The following PTPRN2 variants were observed in gnomAD, a reference collection of about 807,000 sequenced individuals.
The protein encoded by PTPRN2 is protein tyrosine phosphatase receptor type N2.
Under a neutral mutation model 118.8 loss-of-function variants are expected in PTPRN2, and 74 were observed. The ratio of observed to expected loss-of-function variants is 0.62; its 90% CI spans 0.52 to 0.76. The LOEUF (loss-of-function observed/expected upper bound fraction) is 0.76. Among genes scored for constraint, PTPRN2 ranks in the 30% least tolerant of loss-of-function variants. The pLI, the probability that PTPRN2 is intolerant of heterozygous loss-of-function variation, is 0.00. For synonymous variants in PTPRN2, 641 were observed against 608.0 expected, an observed-to-expected ratio of 1.05 and a Z score of -0.80; for missense variants, 1,481 against 1,394.4, an observed-to-expected ratio of 1.06 and a Z score of -0.99.
In PTPRN2 at chr7:157,787,717, G is replaced by A. The variant is rs1804158678; in HGVS notation, c.1789-104780C>T. On this transcript the variant is annotated intron_variant, in intron 12 of 22. Coordinates refer to ENST00000389418, the MANE Select transcript of PTPRN2 (RefSeq NM_002847.5). The surrounding 1 kb of genome is among the most constrained non-coding windows in gnomAD (Gnocchi z 5.3). ...GGTGGTGTTTGAGCTGGTGCCATCT[G>A]GGTCCCCTGGGGTGGTGGCTGGGTG... Among the ~76,000 whole-genome samples the A allele has an allele frequency of 6.6e-6, 1 of 152,198 alleles. No individual in the cohort carries two copies.
At chr7:157,579,199 C>T (rs112013346) in intron 17 of PTPRN2, among the ~76,000 whole-genome samples, 9 of 152,284 alleles carry the variant, frequency 5.9e-5, no homozygotes, top group African/African-American at 1.7e-4. Flanking sequence ...TATGTTCTCA[C>T]GGGGCTGAAA....
intron 15 of PTPRN2, among the ~76,000 whole-genome samples, chr7:157,608,006 A>T (rs1458761876): frequency 6.6e-6 from 1 of 152,020 alleles, no homozygotes; most frequent in Admixed American, 6.6e-5. Flanking sequence ...GACTTCGGAG[A>T]GCTCCTACTT....
intron 14 of PTPRN2, among the ~76,000 whole-genome samples, chr7:157,636,708 A>G (rs917421983): frequency 1.9e-4 from 29 of 152,250 alleles, no homozygotes; most frequent in African/African-American, 6.8e-4. Flanking sequence ...TTATAGATGA[A>G]TGGAAAACAC....
At chr7:157,775,758 C>T (rs948097049) in intron 12 of PTPRN2, among the ~76,000 whole-genome samples, 6 of 152,098 alleles carry the variant, frequency 3.9e-5, no homozygotes, top group East Asian at 1.9e-4. Flanking sequence ...GCCCCAGGCC[C>T]GGGTCATGGT....
chr7:158,195,340 T>A (rs897015007), intron 4 of PTPRN2, among the ~76,000 whole-genome samples: 3 of 152,236 alleles, frequency 2.0e-5, no homozygotes, highest in Non-Finnish European at 4.4e-5. Flanking sequence ...ATCTCATCTC[T>A]CTATGAAATG....
At chr7:157,824,444 G>A (rs1585561230) in intron 12 of PTPRN2, among the ~76,000 whole-genome samples, 1 of 152,206 alleles carries the variant, frequency 6.6e-6, no homozygotes, top group Non-Finnish European at 1.5e-5. Flanking sequence ...GCAGCTTCCC[G>A]AGGACAAGTG....
rs781081641 is a variant in PTPRN2 at position 158,316,875 on chromosome 7, ACCTC to A, written c.217_220del (p.Glu73CysfsTer31). On this transcript the variant is annotated frameshift_variant, in exon 3 of 23. Transcript: ENST00000389418. LOFTEE classifies it high-confidence loss of function. Reference sequence around the variant, plus strand: ...CAGGCGCTGCAGGGCCACGGGCGACACCTCGTAGCGGTAAAAGTCCATTGCCGGA... The same window carrying A: ...CAGGCGCTGCAGGGCCACGGGCGACAGTAGCGGTAAAAGTCCATTGCCGGA... The A allele has an allele frequency of 1.2e-6, 2 of 1,612,068 alleles. No individual in the cohort carries two copies. The highest frequency in any genetic ancestry group is 2.2e-5 in the South Asian group (2 of 91,070).
intron 12 of PTPRN2, among the ~76,000 whole-genome samples, chr7:157,730,916 A>G (rs1799860578): frequency 6.6e-6 from 1 of 152,098 alleles, no homozygotes; most frequent in Non-Finnish European, 1.5e-5. Flanking sequence ...TGGGGACTGC[A>G]CTAGGACTTT....
At position 158,098,124 on chromosome 7, in the gene PTPRN2, G is replaced by A. The variant is rs117276816; in HGVS notation, c.1643+12705C>T. On this transcript the variant is annotated intron_variant, in intron 10 of 22. Coordinates refer to ENST00000389418, the MANE Select transcript of PTPRN2 (RefSeq NM_002847.5). Reference sequence around the variant, plus strand: ...CACAGGACGTGGAAGTAAGGCTTGCGTGGTCCCCTGCACATGAGCACACAC... The same window carrying A: ...CACAGGACGTGGAAGTAAGGCTTGCATGGTCCCCTGCACATGAGCACACAC... Among the ~76,000 whole-genome samples the A allele has an allele frequency of 5.2e-3, 791 of 152,316 alleles. 38 individuals carry two copies. The highest frequency in any genetic ancestry group is 0.041 in the Admixed American group (633 of 15,304).
chr7:158,179,685 G>A (rs1027405075), intron 5 of PTPRN2, among the ~76,000 whole-genome samples: 6 of 152,120 alleles, frequency 3.9e-5, no homozygotes, highest in African/African-American at 1.4e-4. Context: ...AATGAGGTAG[G>A]AGGCAGGACT....
chr7:158,470,746 G>A (rs527437428), intron 2 of PTPRN2, among the ~76,000 whole-genome samples: 13 of 152,302 alleles, frequency 8.5e-5, no homozygotes, highest in African/African-American at 2.6e-4. Flanking sequence ...TCACCGAGGT[G>A]GAGAACAGGC....
At chr7:157,546,367 A>G (rs533849996) in intron 22 of PTPRN2, among the ~76,000 whole-genome samples, 4 of 152,334 alleles carry the variant, frequency 2.6e-5, no homozygotes, top group Non-Finnish European at 4.4e-5. Context: ...TGCCGCACCC[A>G]TGAATCCATC....
In PTPRN2 at chr7:158,071,612, C is replaced by CGTG. The variant is rs1554528555; in HGVS notation, c.1723+9683_1723+9685dup. The stretch of plus-strand genomic sequence containing the variant: ...TGGAGGTGCTCCTGGTGGAGGTGCT[C>CGTG]GTGGTGGAGGTGCTCGTGGTGGTGG... On this transcript the variant is annotated intron_variant, in intron 11 of 22. Coordinates refer to ENST00000389418, the MANE Select transcript of PTPRN2 (RefSeq NM_002847.5). Among the ~76,000 whole-genome samples, 3 of 30,556 alleles carry CGTG rather than the reference C, an allele frequency of 9.8e-5. 1 individual carries two copies. The highest frequency in any genetic ancestry group is 2.0e-4 in the Non-Finnish European group (3 of 15,246). 20.0% of individuals were successfully genotyped at this position (30,556 alleles called of 152,430 possible).
intron 2 of PTPRN2, among the ~76,000 whole-genome samples, chr7:158,386,348 C>G: frequency 8.4e-6 from 1 of 119,356 alleles, no homozygotes; most frequent in South Asian, 3.0e-4. Flanking sequence ...TGTACCCCTC[C>G]TCCCTCCTCC....
chr7:157,601,780 ACT>A (rs1244435219), intron 16 of PTPRN2, among the ~76,000 whole-genome samples: 1 of 152,122 alleles, frequency 6.6e-6, no homozygotes, highest in Non-Finnish European at 1.5e-5. Context: ...GCAACGCTGA[ACT>A]CTCGTCTTTT....
intron 22 of PTPRN2, among the ~76,000 whole-genome samples, chr7:157,545,552 C>T (rs145677520): frequency 6.6e-6 from 1 of 152,132 alleles, no homozygotes; most frequent in Non-Finnish European, 1.5e-5. Flanking sequence ...TCTGGCGGCT[C>T]GTGTGGTGTC....
chr7:158,197,995 T>A (rs1000750029), intron 4 of PTPRN2, among the ~76,000 whole-genome samples: 1 of 152,256 alleles, frequency 6.6e-6, no homozygotes, highest in Non-Finnish European at 1.5e-5. Flanking sequence ...CTTTTGCAGT[T>A]CTTTGCATCT....
rs555683609 is a variant in PTPRN2 at position 157,587,710 on chromosome 7, G to A, written c.2496+7528C>T. Among the ~76,000 whole-genome samples, 15 of 152,352 alleles carry A rather than the reference G, an allele frequency of 9.8e-5. No individual in the cohort carries two copies. Among genetic ancestry groups the A allele is most frequent in the Non-Finnish European group, 2.1e-4 (14 of 68,026 alleles). On this transcript the variant is annotated intron_variant, in intron 17 of 22. Coordinates refer to ENST00000389418, the MANE Select transcript of PTPRN2 (RefSeq NM_002847.5). The surrounding 1 kb of genome is among the most constrained non-coding windows in gnomAD (Gnocchi z 5.3). ...CGAGCGCTTTGTGCTCTCTCTGGGG[G>A]CCAGGAGAGCTGTTTCGTGTCTGAC...
intron 12 of PTPRN2, among the ~76,000 whole-genome samples, chr7:157,703,365 C>A (rs1798172983): frequency 6.6e-6 from 1 of 152,188 alleles, no homozygotes; most frequent in Non-Finnish European, 1.5e-5. Context: ...TGGACAGGGG[C>A]TAACAGCACA....
Sources: gnomAD v4.1 joint callset for allele counts (sites outside exome capture counted in the v4.1 genomes callset) on GRCh38, gnomAD v4.1.1 for gene constraint, Gnocchi (gnomAD v3.1) non-coding constraint, MANE v1.5 for transcripts, NCBI Gene and HGNC (gene_info 2026-07-23, HGNC 2026-07-21) for gene names.